PDZD2: variants seen among roughly 807,000 people sequenced by gnomAD.
The protein encoded by PDZD2 is PDZ domain containing 2.
Under a neutral mutation model 220.7 loss-of-function variants are expected in PDZD2, and 90 were observed. That is an observed-to-expected ratio of 0.41 (90% CI 0.34 to 0.49). The LOEUF is 0.49. Among genes scored for constraint, PDZD2 ranks in the 20% least tolerant of loss-of-function variants. The probability of loss-of-function intolerance (pLI) is 0.28; values close to 1 mark genes in which losing one functional copy is unlikely to be tolerated. For synonymous variants in PDZD2, 1,375 were observed against 1,450.5 expected (o/e 0.95, Z 1.18); for missense variants, 3,174 against 3,608.5 (o/e 0.88, Z 3.08).
chr5:32,080,174 C>T (rs1741777467), intron 19 of PDZD2, among the ~76,000 whole-genome samples: 2 of 151,836 alleles, frequency 1.3e-5, no homozygotes, highest in Admixed American at 1.3e-4. Flanking sequence ...CAGTGAAACC[C>T]CATCTCTACT....
At chr5:32,048,962 G>A (rs1468089039) in intron 8 of PDZD2, among the ~76,000 whole-genome samples, 24 of 152,144 alleles carry the variant, frequency 1.6e-4, no homozygotes, top group Non-Finnish European at 2.4e-4. Context: ...AGACGATGGC[G>A]TCTCATAGTC....
intron 7 of PDZD2, among the ~76,000 whole-genome samples, chr5:32,039,522 G>T (rs1246330293): frequency 6.6e-6 from 1 of 152,166 alleles, no homozygotes; most frequent in Non-Finnish European, 1.5e-5. Context: ...CTGCCCGCCC[G>T]CCACCCCGTC....
intron 6 of PDZD2, among the ~76,000 whole-genome samples, chr5:32,013,300 C>T (rs1289742796): frequency 1.3e-5 from 2 of 149,726 alleles, no homozygotes; most frequent in African/African-American, 4.9e-5. Flanking sequence ...AACATCTTTG[C>T]TCCTATATCT....
intron 1 of PDZD2, among the ~76,000 whole-genome samples, chr5:31,644,287 T>C (rs1432342369): frequency 6.6e-6 from 1 of 152,220 alleles, no homozygotes; most frequent in East Asian, 1.9e-4. Context: ...CTTGATCTCC[T>C]ATTATCCATA....
chr5:31,826,085 GAT>G (rs1756197639), intron 2 of PDZD2, among the ~76,000 whole-genome samples: 1 of 152,158 alleles, frequency 6.6e-6, no homozygotes, highest in Non-Finnish European at 1.5e-5. Flanking sequence ...GAGGGGAAAA[GAT>G]ATTTGGTACG....
chr5:31,726,092 G>A (rs886461900), intron 1 of PDZD2, among the ~76,000 whole-genome samples: 2 of 152,152 alleles, frequency 1.3e-5, no homozygotes, highest in Admixed American at 6.5e-5. Flanking sequence ...TGTGTAACTT[G>A]GGGAAACTCA....
intron 2 of PDZD2, chr5:31,832,317 T>C (rs1756652351): frequency 6.6e-6 from 1 of 152,174 alleles, no homozygotes; most frequent in Admixed American, 6.5e-5. Context: ...CCTGGTGTGA[T>C]GAAAAAGCCC....
chr5:31,781,927 C>G (rs570499429), intron 1 of PDZD2, among the ~76,000 whole-genome samples: 112 of 136,036 alleles, frequency 8.2e-4, no homozygotes, highest in Non-Finnish European at 1.6e-3. Flanking sequence ...CATATGAGAC[C>G]AGAGCCTGAG....
intron 1 of PDZD2, among the ~76,000 whole-genome samples, chr5:31,645,858 G>A (rs781015310): frequency 1.2e-4 from 19 of 152,094 alleles, no homozygotes; most frequent in Non-Finnish European, 2.2e-4. Flanking sequence ...CAATTCCCTG[G>A]CTGGGACCTG....
Position 32,089,376 on chromosome 5 carries a change from C to G in PDZD2, c.5928C>G (p.Asp1976Glu), listed in dbSNP as rs748221623. 6.2e-7 allele frequency: 1 copy of G among 1,614,176 alleles called. No homozygotes were observed. The highest frequency in any genetic ancestry group is 8.5e-7 in the Non-Finnish European group (1 of 1,180,026). ...TSGPLKPSVS[D>E]TSIRTFVSPL... is the part of the protein sequence containing the mutation. ...GGCCACTGAAACCCTCAGTGTCTGA[C>G]ACGAGCATCAGGACATTTGTCTCGC... The change falls in exon 20 of 25, where the codon GAC (aspartate) becomes GAG (glutamate). Residue 1976 changes from aspartate to glutamate, a missense_variant. Asp to Glu is a conservative substitution (Grantham distance 45). Transcript: ENST00000438447.
In PDZD2 at chr5:31,776,006, G is replaced by T. The variant is rs569189299; in HGVS notation, c.-360-22883G>T. ...TGTCACAGTAAGAAGGAAAGCCTTG[G>T]CCATTCCCACTAGGTCTGAAGCTAG... On this transcript the variant is annotated intron_variant, in intron 1 of 24. Coordinates refer to ENST00000438447, the MANE Select transcript of PDZD2 (RefSeq NM_178140.4). Among the ~76,000 whole-genome samples, 510 of 152,222 alleles carry T rather than the reference G, an allele frequency of 3.4e-3. 4 individuals carry two copies. The highest frequency in any genetic ancestry group is 6.8e-3 in the Middle Eastern group (2 of 294).
In PDZD2 at chr5:32,090,920, C is replaced by T. The variant is rs1743078211; in HGVS notation, c.7472C>T (p.Pro2491Leu). 1 of 1,613,914 alleles carries T rather than the reference C, an allele frequency of 6.2e-7. No homozygotes were observed. Among genetic ancestry groups the T allele is most frequent in the African/African-American group, 1.3e-5 (1 of 74,950 alleles). ...KLQELRALSM[P>L]DLDKLCSEDY... ...CAGGAGCTGAGAGCCTTGAGCATGC[C>T]TGACCTTGACAAGCTCTGCAGCGAG... The change falls in exon 20 of 25, where the codon CCT (proline) becomes CTT (leucine). Residue 2491 changes from proline to leucine, a missense_variant. Transcript: ENST00000438447. This position sits in a 1 kb window ranked among gnomAD's most constrained non-coding sequence, Gnocchi z 4.3.
At chr5:31,936,849 G>A (rs374404365) in intron 2 of PDZD2, among the ~76,000 whole-genome samples, 2 of 152,294 alleles carry the variant, frequency 1.3e-5, no homozygotes, top group East Asian at 1.9e-4. Flanking sequence ...AGTGAAGCCC[G>A]AATGCACTAA....
intron 2 of PDZD2, among the ~76,000 whole-genome samples, chr5:31,958,375 T>A (rs906968291): frequency 6.6e-6 from 1 of 151,966 alleles, no homozygotes; most frequent in African/African-American, 2.4e-5. Flanking sequence ...TGTCTCAGCC[T>A]CCTGAGTAGC....
chr5:32,085,241 C>T (rs1159518803), intron 19 of PDZD2, among the ~76,000 whole-genome samples: 10 of 149,034 alleles, frequency 6.7e-5, no homozygotes, highest in African/African-American at 1.8e-4. Context: ...CGTGATCCAC[C>T]GTGCCCAGCT....
At chr5:31,691,899 A>C (rs71627318) in intron 1 of PDZD2, among the ~76,000 whole-genome samples, 18,738 of 152,264 alleles carry the variant, frequency 0.12, 1,244 homozygotes, top group East Asian at 0.16. Flanking sequence ...CCTTAGCTAG[A>C]CATAAAGGTT....
At chr5:32,073,340 A>G (rs1403641593) in intron 17 of PDZD2, among the ~76,000 whole-genome samples, 2 of 151,564 alleles carry the variant, frequency 1.3e-5, no homozygotes, top group Non-Finnish European at 2.9e-5. Context: ...GACATAGGAC[A>G]GTTCATGCTG....
chr5:31,955,170 C>T (rs920534721), intron 2 of PDZD2, among the ~76,000 whole-genome samples: 2 of 152,112 alleles, frequency 1.3e-5, no homozygotes, highest in African/African-American at 2.4e-5. Context: ...TTGGAACAGG[C>T]TTCTTTCTAG....
At chr5:31,686,892 C>T (rs1746893176) in intron 1 of PDZD2, among the ~76,000 whole-genome samples, 1 of 152,160 alleles carries the variant, frequency 6.6e-6, no homozygotes, top group Non-Finnish European at 1.5e-5. Flanking sequence ...CTAGGCTTTT[C>T]ATACCTCTTT....
Sources: gnomAD v4.1 joint callset for allele counts (sites outside exome capture counted in the v4.1 genomes callset) on GRCh38, gnomAD v4.1.1 for gene constraint, Gnocchi (gnomAD v3.1) non-coding constraint, MANE v1.5 for transcripts, NCBI Gene and HGNC (gene_info 2026-07-23, HGNC 2026-07-21) for gene names.